The following SAP30L variants were observed in gnomAD, a reference collection of about 807,000 sequenced individuals.
SAP30L encodes histone deacetylase complex subunit SAP30L.
SAP30L carries 10 observed loss-of-function variants against 22.3 expected under a neutral mutation model. That is an observed-to-expected ratio of 0.45 (90% confidence interval 0.28 to 0.76). The LOEUF (loss-of-function observed/expected upper bound fraction) is 0.76, where lower values mean the gene tolerates loss of function less well. SAP30L is among the 30% of genes least tolerant of loss of function. SAP30L has a pLI of 0.14. For missense variants in SAP30L, 206 were observed against 237.9 expected (o/e 0.87, Z 0.88); for synonymous variants, 91 against 94.1 (o/e 0.97, Z 0.19).
At chr5:154,451,728 C>G (rs1379800333) in intron 2 of SAP30L, among the ~76,000 whole-genome samples, 3 of 152,078 alleles carry the variant, frequency 2.0e-5, no homozygotes, top group Non-Finnish European at 4.4e-5. Context: ...TAAACTGGAC[C>G]CGGTTTTCTC....
chr5:154,452,860 C>A (rs1054372725), intron 2 of SAP30L, among the ~76,000 whole-genome samples: 7 of 150,554 alleles, frequency 4.6e-5, no homozygotes, highest in African/African-American at 1.8e-4. Flanking sequence ...GCATCACTGC[C>A]CCTCCAAAGC....
In SAP30L at chr5:154,446,716, T is replaced by A. The variant is rs756705922; in HGVS notation, c.112T>A (p.Cys38Ser). The A allele has an allele frequency of 6.2e-7, 1 of 1,603,570 alleles. No individual in the cohort carries two copies. Residue 38 changes from cysteine to serine, a missense_variant, in exon 1 of 4, where the codon TGC (cysteine) becomes AGC (serine). This residue lies in a region of SAP30L where 136 missense variants were observed against 187.4 expected (regional missense o/e 0.73). Coordinates refer to ENST00000297109, the MANE Select transcript of SAP30L (RefSeq NM_024632.6). ...SCCLIEDGER[C>S]VRPAGNASFS... is the part of the protein sequence containing the mutation. The stretch of plus-strand genomic sequence containing the variant: ...CTGCCTCATCGAGGACGGCGAGCGC[T>A]GCGTCCGGCCCGCGGGCAACGCCTC...
chr5:154,458,312 C>T lies in SAP30L; in HGVS notation c.*2284C>T, dbSNP rs1167547182. 1.3e-5 allele frequency: 2 copies of T among 152,198 alleles called. No homozygotes were observed. The highest frequency in any genetic ancestry group is 2.9e-5 in the Non-Finnish European group (2 of 68,048). The allele number at this position is 152,198 out of a possible 1,614,324, so 9.4% of individuals were successfully genotyped here. A position where few individuals can be genotyped will look rare whatever the true frequency, so the allele number is the denominator to read the frequency against. ...AGGTCAGGTGAGAGAAAAGACAAAG[C>T]TATTTGAACCTATGTTTTTCTTATG... On this transcript the variant is annotated 3_prime_UTR_variant, in exon 4 of 4. Coordinates refer to ENST00000297109, the MANE Select transcript of SAP30L (RefSeq NM_024632.6).
chr5:154,456,150 C>T lies in SAP30L; in HGVS notation c.*122C>T, dbSNP rs1313182418. ...AATAAAAAAGTTTGAATGATGAATACTGTAAATCTTTTTGGTCAGGAGGAT... is the reference window on the plus strand; with the variant it reads ...AATAAAAAAGTTTGAATGATGAATATTGTAAATCTTTTTGGTCAGGAGGAT... On this transcript the variant is annotated 3_prime_UTR_variant, in exon 4 of 4. Transcript: ENST00000297109. 1.1e-5 allele frequency: 11 copies of T among 1,008,328 alleles called. No individual in the cohort carries two copies. Among genetic ancestry groups the T allele is most frequent in the Middle Eastern group, 2.8e-4 (1 of 3,526 alleles). The allele number at this position is 1,008,328 out of a possible 1,614,324, so 62.5% of individuals were successfully genotyped here. A position where few individuals can be genotyped will look rare whatever the true frequency, so the allele number is the denominator to read the frequency against.
chr5:154,451,237 C>T lies in SAP30L; in HGVS notation c.324+24C>T, dbSNP rs377262266. 39 of 1,607,536 alleles carry T rather than the reference C, an allele frequency of 2.4e-5. No individual in the cohort carries two copies. In the African/African-American group the frequency reaches 4.0e-4, roughly 17 times the overall value. ...AGGTAAAGGTCAAAGAAACCAGTTG[C>T]GGAAGCTGGAAGAATGGATTCTAAT... On this transcript the variant is annotated intron_variant, in intron 2 of 3. Transcript: ENST00000297109.
chr5:154,446,286 C>T lies in SAP30L; in HGVS notation c.-319C>T. ...GGGAGCGGCTGTTTCCTGGGACGCC[C>T]TCCCGGACACCCCCGCTGCAGGGTT... On this transcript the variant is annotated 5_prime_UTR_variant, in exon 1 of 4. Coordinates refer to ENST00000297109, the MANE Select transcript of SAP30L (RefSeq NM_024632.6). The T allele has an allele frequency of 3.7e-6, 1 of 273,704 alleles. No homozygotes were observed. Among genetic ancestry groups the T allele is most frequent in the Non-Finnish European group, 6.8e-6 (1 of 146,380 alleles). 17.0% of individuals were successfully genotyped at this position (273,704 alleles called of 1,614,324 possible).
At chr5:154,449,455 A>G (rs953298804) in intron 1 of SAP30L, among the ~76,000 whole-genome samples, 8 of 152,184 alleles carry the variant, frequency 5.3e-5, no homozygotes, top group Non-Finnish European at 1.2e-4. Flanking sequence ...TCTTACAGCT[A>G]GGATTCCGTT....
chr5:154,453,388 C>T lies in SAP30L; in HGVS notation c.325-14C>T. On this transcript the variant is annotated splice_polypyrimidine_tract_variant and intron_variant, in intron 2 of 3. Transcript: ENST00000297109. ...GTCAGGTGATGGATAACATTTTTCT[C>T]CTCTTCTCCCTAGGTTGATCTGTTC... The T allele has an allele frequency of 1.2e-6, 2 of 1,602,134 alleles. No homozygotes were observed. Among genetic ancestry groups the T allele is most frequent in the Non-Finnish European group, 1.7e-6 (2 of 1,169,558 alleles).
In SAP30L at chr5:154,446,698, A is replaced by C. The variant is rs767058254; in HGVS notation, c.94A>C (p.Ile32Leu). The change falls in exon 1 of 4, where the codon ATC (isoleucine) becomes CTC (leucine). Residue 32 changes from isoleucine to leucine, a missense_variant. Ile to Leu is a conservative substitution (Grantham distance 5, BLOSUM62 2). Coordinates refer to ENST00000297109, the MANE Select transcript of SAP30L (RefSeq NM_024632.6). ...GGGCTACGGCCAGAGCTGCTGCCTC[A>C]TCGAGGACGGCGAGCGCTGCGTCCG... is the stretch of plus-strand genomic sequence containing the variant. ...APGYGQSCCLIEDGERCVRPA... is the reference protein window; with the variant it reads ...APGYGQSCCLLEDGERCVRPA... The C allele has an allele frequency of 6.3e-7, 1 of 1,594,138 alleles. No individual in the cohort carries two copies. Among genetic ancestry groups the C allele is most frequent in the South Asian group, 1.1e-5 (1 of 89,350 alleles).
At position 154,456,040 on chromosome 5, in the gene SAP30L, A is replaced by G. The variant is rs748578561; in HGVS notation, c.*12A>G. The stretch of plus-strand genomic sequence containing the variant: ...AGCAGCTTGAGTGAGGATGAAGCAC[A>G]TCTTAAAGGAATGAAGTGTAATGCT... On this transcript the variant is annotated 3_prime_UTR_variant, in exon 4 of 4. Transcript: ENST00000297109. The G allele has an allele frequency of 1.1e-5, 18 of 1,612,208 alleles. No individual in the cohort carries two copies. The highest frequency in any genetic ancestry group is 1.4e-5 in the Non-Finnish European group (17 of 1,179,316).
At chr5:154,450,978 TC>T in intron 1 of SAP30L, 112 bp from the exon 2 acceptor site, 1 of 1,116,782 alleles carries the variant, frequency 9.0e-7, no homozygotes, top group Non-Finnish European at 1.3e-6. Context: ...CATCTTGTCT[TC>T]CATCTATCTC....
intron 1 of SAP30L, among the ~76,000 whole-genome samples, chr5:154,447,126 A>G (rs1757035280): frequency 6.6e-6 from 1 of 152,250 alleles, no homozygotes; most frequent in Admixed American, 6.5e-5. Flanking sequence ...TGGCCCTTGA[A>G]GGAGCAAGAA....
intron 3 of SAP30L, among the ~76,000 whole-genome samples, chr5:154,455,626 A>G (rs925090084): frequency 5.3e-5 from 8 of 152,212 alleles, no homozygotes; most frequent in African/African-American, 1.4e-4. Context: ...AAATCATGCC[A>G]TGACAGGTGG....
Position 154,452,310 on chromosome 5 carries a change from C to T in SAP30L, c.325-1092C>T, listed in dbSNP as rs78634773. ...TACAGAATCTTGCTTTTGCCTTTAA[C>T]GTTATTGTTATTTTACAAAGAAATG... On this transcript the variant is annotated intron_variant, in intron 2 of 3. Coordinates refer to ENST00000297109, the MANE Select transcript of SAP30L (RefSeq NM_024632.6). 7.0e-3 allele frequency: 1,453 copies of T among 206,538 alleles called. 21 individuals carry two copies. The highest frequency in any genetic ancestry group is 0.036 in the African/African-American group (1,380 of 38,288). 12.8% of individuals were successfully genotyped at this position (206,538 alleles called of 1,614,324 possible).
Position 154,451,183 on chromosome 5 carries a change from T to C in SAP30L, c.294T>C (p.Asp98=), listed in dbSNP as rs762468838. ...RKRKTSDDGG[D]SPEHDTDIPE... ...GGAAGACAAGTGACGATGGCGGAGA[T>C]TCTCCCGAGCACGACACTGACATTC... The change falls in exon 2 of 4, where the codon GAT becomes GAC. Residue 98 remains aspartate (D), a synonymous_variant. Coordinates refer to ENST00000297109, the MANE Select transcript of SAP30L (RefSeq NM_024632.6). The C allele has an allele frequency of 1.2e-6, 2 of 1,614,116 alleles. No homozygotes were observed. The highest frequency in any genetic ancestry group is 1.3e-5 in the African/African-American group (1 of 75,038).
chr5:154,453,568 T>C, intron 3 of SAP30L, 68 bp downstream of exon 3: 1 of 1,044,388 alleles, frequency 9.6e-7, no homozygotes, highest in Non-Finnish European at 1.5e-6. Flanking sequence ...ACCCTGATTC[T>C]CCCTTACCTT....
At position 154,458,775 on chromosome 5, in the gene SAP30L, T is replaced by G. The variant is rs1168099787; in HGVS notation, c.*2747T>G. 3.3e-5 allele frequency: 5 copies of G among 152,158 alleles called. No homozygotes were observed. In the East Asian group the frequency reaches 9.6e-4, roughly 29 times the overall value. The allele number at this position is 152,158 out of a possible 1,614,324, so 9.4% of individuals were successfully genotyped here. A position where few individuals can be genotyped will look rare whatever the true frequency, so the allele number is the denominator to read the frequency against. ...TGTTTTAAGATGTTTTAAAAACCAATGGACAAACTTCTTGCTTCAAGGAAC... is the reference window on the plus strand; with the variant it reads ...TGTTTTAAGATGTTTTAAAAACCAAGGGACAAACTTCTTGCTTCAAGGAAC... On this transcript the variant is annotated 3_prime_UTR_variant, in exon 4 of 4. Transcript: ENST00000297109.
intron 1 of SAP30L, among the ~76,000 whole-genome samples, chr5:154,448,528 C>T (rs1336151887): frequency 6.6e-6 from 1 of 152,246 alleles, no homozygotes; most frequent in Non-Finnish European, 1.5e-5. Flanking sequence ...AATTCATCCA[C>T]TTAGAAACAC....
chr5:154,451,034 C>A, intron 1 of SAP30L, 57 bp from the exon 2 acceptor site: 1 of 1,596,824 alleles, frequency 6.3e-7, no homozygotes, highest in Non-Finnish European at 8.6e-7. Flanking sequence ...TCGACAGATA[C>A]CTATTGCTGT....
Sources: gnomAD v4.1 joint callset for allele counts (sites outside exome capture counted in the v4.1 genomes callset) on GRCh38, gnomAD v4.1.1 for gene constraint, gnomAD v4.1.1 regional missense constraint, MANE v1.5 for transcripts, NCBI Gene and HGNC (gene_info 2026-07-23, HGNC 2026-07-21) for gene names.